The following DNAH11 variants were observed in gnomAD, a reference collection of about 807,000 sequenced individuals.
DNAH11 encodes the protein dynein axonemal heavy chain 11.
Under a neutral mutation model 526.0 loss-of-function variants are expected in DNAH11, and 442 were observed. The observed-to-expected ratio is 0.84, with a 90% CI of 0.78 to 0.91. The LOEUF (loss-of-function observed/expected upper bound fraction) is 0.91. Ranked by LOEUF, DNAH11 falls within the 40% of genes least tolerant of loss-of-function variation. The pLI is 0.00. For missense variants in DNAH11, 6,989 were observed against 5,448.7 expected (o/e 1.28, Z -8.90); for synonymous variants, 2,461 against 1,935.9 (o/e 1.27, Z -7.12).
In DNAH11 at chr7:21,571,531, C is replaced by T. The variant is rs142160975; in HGVS notation, c.1426-275C>T. 4.7e-3 allele frequency among the ~76,000 whole-genome samples: 717 copies of T among 152,224 alleles called. 2 individuals are homozygous for T. Among genetic ancestry groups the T allele is most frequent in the African/African-American group, 0.016 (667 of 41,536 alleles). ...CTGGGCATAAGCGATCCTCCTGCCT[C>T]GGCCTCCCAAAGTGCTGGTATTACA... On this transcript the variant is annotated intron_variant, in intron 7 of 81. Coordinates refer to ENST00000409508, the MANE Select transcript of DNAH11 (RefSeq NM_001277115.2).
intron 55 of DNAH11, among the ~76,000 whole-genome samples, chr7:21,771,266 G>C (rs528329593): frequency 3.3e-5 from 5 of 152,240 alleles, no homozygotes; most frequent in African/African-American, 1.2e-4. Context: ...GACCAATGTA[G>C]TCATCTTTGC....
At chr7:21,734,169 C>T (rs1785507297) in intron 45 of DNAH11, among the ~76,000 whole-genome samples, 1 of 152,168 alleles carries the variant, frequency 6.6e-6, no homozygotes, top group African/African-American at 2.4e-5. Flanking sequence ...TAGCTATGAC[C>T]TTGACCGAGT....
intron 30 of DNAH11, among the ~76,000 whole-genome samples, chr7:21,666,028 A>G (rs1403628365): frequency 6.6e-6 from 1 of 152,158 alleles, no homozygotes; most frequent in Non-Finnish European, 1.5e-5. Context: ...AATGAGCTTT[A>G]GTCATTTAAA....
chr7:21,691,698 T>C (rs1056755361), intron 35 of DNAH11, among the ~76,000 whole-genome samples: 1 of 152,226 alleles, frequency 6.6e-6, no homozygotes, highest in Non-Finnish European at 1.5e-5. Context: ...TCTCTTCATT[T>C]AATATTTTGA....
In DNAH11 at chr7:21,544,625, G is replaced by T. The variant is rs2285949; in HGVS notation, c.352-381G>T. On this transcript the variant is annotated intron_variant, in intron 1 of 81. Transcript: ENST00000409508. ...ACCTCTTGGGCTTGTCTTTATCTCA[G>T]TTTGGCTTATTTCCAAACCAGAGAA... is the stretch of plus-strand genomic sequence containing the variant. Among the ~76,000 whole-genome samples, 107 of 151,956 alleles carry T rather than the reference G, an allele frequency of 7.0e-4. 1 individual carries two copies. In the Middle Eastern group the frequency reaches 0.031, roughly 43 times the overall value.
chr7:21,748,530 TC>T (rs773642417), intron 51 of DNAH11, 49 bp from the exon 52 acceptor site: 5 of 1,418,464 alleles, frequency 3.5e-6, no homozygotes, highest in Non-Finnish European at 4.6e-6. Flanking sequence ...ACAGACATAG[TC>T]CCGGGGCATT....
chr7:21,616,488 AG>A (rs892492788), intron 22 of DNAH11, among the ~76,000 whole-genome samples, 196 bp downstream of exon 22: 1 of 152,092 alleles, frequency 6.6e-6, no homozygotes, highest in African/African-American at 2.4e-5. Context: ...GTGAGTTGAT[AG>A]AAGCATATTA....
intron 14 of DNAH11, among the ~76,000 whole-genome samples, chr7:21,597,654 G>T (rs372890605): frequency 7.2e-5 from 11 of 152,228 alleles, no homozygotes; most frequent in African/African-American, 1.4e-4. Context: ...AACAGCAAGC[G>T]GGGGGTTGGG....
intron 61 of DNAH11, among the ~76,000 whole-genome samples, chr7:21,799,337 T>G (rs1788860947): frequency 6.6e-6 from 1 of 152,112 alleles, no homozygotes; most frequent in South Asian, 2.1e-4. Context: ...ACTTCAATCT[T>G]ATTTCTTTTT....
Position 21,873,474 on chromosome 7 carries a change from G to C in DNAH11, c.12168G>C (p.Leu4056Phe), listed in dbSNP as rs1783577185. The change falls in exon 74 of 82, where the codon TTG becomes TTC. Residue 4056 changes from leucine (L) to phenylalanine (F), a missense_variant. Physicochemically the swap from Leu to Phe is conservative, Grantham distance 22 (BLOSUM62 0). Transcript: ENST00000409508. ...CCCCAACAGGGATGCTGGCCAATTT[G>C]CATGCCGCCCTGTACAACTTTGATC... ...NEPPTGMLAN[L>F]HAALYNFDQD... The C allele has an allele frequency of 6.2e-7, 1 of 1,613,930 alleles. No homozygotes were observed. The highest frequency in any genetic ancestry group is 1.7e-4 in the Middle Eastern group (1 of 6,058).
chr7:21,739,536 T>A, intron 47 of DNAH11, 35 bp from the exon 48 acceptor site: 1 of 1,567,718 alleles, frequency 6.4e-7, no homozygotes, highest in African/African-American at 1.4e-5. Flanking sequence ...TCATCTCCAG[T>A]TTTTGGATTT....
At chr7:21,652,480 A>G (rs1365531997) in intron 28 of DNAH11, among the ~76,000 whole-genome samples, 1 of 152,238 alleles carries the variant, frequency 6.6e-6, no homozygotes, top group African/African-American at 2.4e-5. Flanking sequence ...CATATAACTT[A>G]AGTTTTCTGC....
intron 54 of DNAH11, among the ~76,000 whole-genome samples, chr7:21,759,900 G>C (rs1402750233): frequency 1.3e-5 from 2 of 152,214 alleles, no homozygotes; most frequent in African/African-American, 2.4e-5. Context: ...AAAATTCTAT[G>C]GTATGAATTC....
intron 44 of DNAH11, among the ~76,000 whole-genome samples, chr7:21,724,048 T>C (rs1410748079): frequency 6.6e-6 from 1 of 152,222 alleles, no homozygotes; most frequent in African/African-American, 2.4e-5. Flanking sequence ...TCTTTTCTAC[T>C]TTAGAACAGA....
At chr7:21,609,489 G>A (rs372849143) in intron 20 of DNAH11, among the ~76,000 whole-genome samples, 25 of 152,136 alleles carry the variant, frequency 1.6e-4, no homozygotes, top group African/African-American at 5.3e-4. Context: ...CAACTTGCTG[G>A]GATTACAAGC....
At position 21,543,473 on chromosome 7, in the gene DNAH11, A is replaced by G; in HGVS notation, c.228A>G (p.Lys76=). The change falls in exon 1 of 82, where the codon AAA becomes AAG. Residue 76 remains lysine, a synonymous_variant. Coordinates refer to ENST00000409508, the MANE Select transcript of DNAH11 (RefSeq NM_001277115.2). Reference sequence around the variant, plus strand: ...TGATGCTGGGGTTCACGGAGGAGAAATGGAGCCAGTATTTGGAAAGCGAGG... The same window carrying G: ...TGATGCTGGGGTTCACGGAGGAGAAGTGGAGCCAGTATTTGGAAAGCGAGG... ...LAMMLGFTEE[K]WSQYLESEDN... is the part of the protein sequence containing the mutation. 6.3e-7 allele frequency: 1 copy of G among 1,592,460 alleles called. No individual in the cohort carries two copies. Among genetic ancestry groups the G allele is most frequent in the Non-Finnish European group, 8.6e-7 (1 of 1,168,966 alleles).
Position 21,717,760 on chromosome 7 carries a change from T to C in DNAH11, c.6984-15T>C, listed in dbSNP as rs1382335812. On this transcript the variant is annotated splice_polypyrimidine_tract_variant and intron_variant, in intron 42 of 81. Transcript: ENST00000409508. ...GCCTAGTGTTCAATAAAAGCTTTTC[T>C]GTGTTCCTTTTCAGGTATGTGGCCA... The C allele has an allele frequency of 6.2e-7, 1 of 1,613,514 alleles. No homozygotes were observed. Among genetic ancestry groups the C allele is most frequent in the East Asian group, 2.2e-5 (1 of 44,878 alleles).
At chr7:21,832,783 G>T (rs1465356051) in intron 65 of DNAH11, among the ~76,000 whole-genome samples, 2 of 152,180 alleles carry the variant, frequency 1.3e-5, no homozygotes, top group Non-Finnish European at 2.9e-5. Context: ...ACCAAGAATG[G>T]CTTTTAAAGG....
At chr7:21,750,497 C>A (rs867641689) in intron 54 of DNAH11, 133 bp downstream of exon 54, 4 of 1,199,454 alleles carry the variant, frequency 3.3e-6, no homozygotes, top group Admixed American at 4.9e-5. Context: ...TTTTTACACG[C>A]CTGTATCTGG....
Sources: gnomAD v4.1 joint callset for allele counts (sites outside exome capture counted in the v4.1 genomes callset) on GRCh38, gnomAD v4.1.1 for gene constraint, MANE v1.5 for transcripts, NCBI Gene and HGNC (gene_info 2026-07-23, HGNC 2026-07-21) for gene names.